The following EXOC4 variants were observed in gnomAD, a reference collection of about 807,000 sequenced individuals.
The protein encoded by EXOC4 is SEC8-like 1.
A neutral mutation model predicts 107.2 loss-of-function variants in EXOC4; 71 were observed. The observed-to-expected ratio is 0.66, with a 90% confidence interval of 0.55 to 0.81. EXOC4 has a LOEUF of 0.81. Ranked by LOEUF, EXOC4 falls within the 30% of genes least tolerant of loss-of-function variation. The pLI, the probability that EXOC4 is intolerant of heterozygous loss-of-function variation, is 0.00. For missense variants in EXOC4, 1,108 were observed against 1,189.6 expected, an observed-to-expected ratio of 0.93 and a Z score of 1.01; for synonymous variants, 456 against 441.2, an observed-to-expected ratio of 1.03 and a Z score of -0.42.
At chr7:133,278,556 G>T (rs1794052360) in intron 2 of EXOC4, among the ~76,000 whole-genome samples, 1 of 152,098 alleles carries the variant, frequency 6.6e-6, no homozygotes, top group Non-Finnish European at 1.5e-5. Flanking sequence ...AAAGGAAGCA[G>T]GTGCCCAGAT....
At chr7:133,648,011 A>C (rs1350203682) in intron 10 of EXOC4, among the ~76,000 whole-genome samples, 2 of 152,202 alleles carry the variant, frequency 1.3e-5, no homozygotes, top group African/African-American at 4.8e-5. Context: ...AAAAGATAAG[A>C]ATCTAGAAAT....
chr7:133,525,875 C>A (rs964705497), intron 9 of EXOC4, among the ~76,000 whole-genome samples: 4 of 152,122 alleles, frequency 2.6e-5, no homozygotes, highest in African/African-American at 9.7e-5. Context: ...ATAAAAGATA[C>A]GTGTTTTCCC....
intron 4 of EXOC4, among the ~76,000 whole-genome samples, chr7:133,310,878 C>T (rs188161117): frequency 7.6e-4 from 116 of 152,218 alleles, no homozygotes; most frequent in African/African-American, 2.6e-3. Context: ...TTGATGCAGT[C>T]AGTGGGGATG....
chr7:133,901,818 C>G (rs1335102535), intron 12 of EXOC4, among the ~76,000 whole-genome samples: 1 of 151,966 alleles, frequency 6.6e-6, no homozygotes, highest in African/African-American at 2.4e-5. Context: ...TGCAGCCAAC[C>G]CTTCCTCATG....
intron 7 of EXOC4, among the ~76,000 whole-genome samples, chr7:133,420,123 C>T (rs1797570105): frequency 7.9e-6 from 1 of 126,276 alleles, no homozygotes; most frequent in African/African-American, 3.0e-5. Context: ...CTCCCCCCTC[C>T]CCCCACCCCA....
intron 6 of EXOC4, among the ~76,000 whole-genome samples, chr7:133,366,803 A>G (rs1274486026): frequency 2.0e-5 from 3 of 152,232 alleles, no homozygotes; most frequent in African/African-American, 7.2e-5. Flanking sequence ...GTAATAAATC[A>G]GAAACTCATA....
At chr7:133,953,307 C>T (rs941848546) in intron 14 of EXOC4, among the ~76,000 whole-genome samples, 2 of 151,848 alleles carry the variant, frequency 1.3e-5, no homozygotes, top group African/African-American at 2.4e-5. Context: ...AAAAATTTGG[C>T]CAGGCGGTGG....
chr7:133,628,400 A>G (rs545010266), intron 9 of EXOC4, among the ~76,000 whole-genome samples: 30 of 152,308 alleles, frequency 2.0e-4, no homozygotes, highest in Non-Finnish European at 3.5e-4. Context: ...ACACCACTGA[A>G]CTATCTTCAG....
chr7:134,070,206 A>G (rs1796254300), downstream of EXOC4, among the ~76,000 whole-genome samples: 1 of 152,236 alleles, frequency 6.6e-6, no homozygotes. Context: ...CAAGGTGTCA[A>G]CCCTGTCCTA....
At chr7:133,462,280 C>G (rs1036290797) in intron 7 of EXOC4, among the ~76,000 whole-genome samples, 1 of 152,242 alleles carries the variant, frequency 6.6e-6, no homozygotes, top group East Asian at 1.9e-4. Flanking sequence ...TCCCTGTAAC[C>G]TCAACTTGAG....
intron 9 of EXOC4, among the ~76,000 whole-genome samples, chr7:133,516,229 C>T (rs1389673224): frequency 6.6e-6 from 1 of 152,090 alleles, no homozygotes; most frequent in Admixed American, 6.5e-5. Flanking sequence ...ACTGTTCACC[C>T]ATTTCATATG....
At chr7:133,380,036 C>G (rs978211166) in intron 7 of EXOC4, among the ~76,000 whole-genome samples, 2 of 149,854 alleles carry the variant, frequency 1.3e-5, no homozygotes, top group Non-Finnish European at 3.0e-5. Flanking sequence ...GGGAATTGAA[C>G]AATGAGAACA....
At chr7:133,681,155 T>C (rs1035589191) in intron 10 of EXOC4, among the ~76,000 whole-genome samples, 1 of 152,148 alleles carries the variant, frequency 6.6e-6, no homozygotes, top group African/African-American at 2.4e-5. Flanking sequence ...CCCGTCTCCT[T>C]TGATGATTGA....
At chr7:133,463,311 T>C (rs1461698971) in intron 7 of EXOC4, among the ~76,000 whole-genome samples, 1 of 152,070 alleles carries the variant, frequency 6.6e-6, no homozygotes, top group Non-Finnish European at 1.5e-5. Flanking sequence ...CTTCCTCCCT[T>C]TGAGGAGAGG....
Position 133,790,811 on chromosome 7 carries a change from TAAAC to T in EXOC4, c.1515-26512_1515-26509del, listed in dbSNP as rs1431276724. Among the ~76,000 whole-genome samples the T allele has an allele frequency of 2.6e-5, 4 of 152,206 alleles. No homozygotes were observed. In the South Asian group the frequency reaches 6.2e-4, roughly 24 times the overall value. On this transcript the variant is annotated intron_variant, in intron 10 of 17. Transcript: ENST00000253861. ...GGCTCTCTGGAACCTGCTTGTCAAA[TAAAC>T]AGAGAACATTCATTCTCAGGCATGT... is the stretch of plus-strand genomic sequence containing the variant.
At chr7:133,623,510 C>T (rs149266058) in intron 9 of EXOC4, among the ~76,000 whole-genome samples, 164 of 152,134 alleles carry the variant, frequency 1.1e-3, no homozygotes, top group African/African-American at 3.6e-3. Flanking sequence ...GCTTATTCCC[C>T]GGGAGAAACT....
intron 14 of EXOC4, among the ~76,000 whole-genome samples, chr7:133,997,016 C>A (rs1794407367): frequency 6.6e-6 from 1 of 152,154 alleles, no homozygotes; most frequent in Non-Finnish European, 1.5e-5. Context: ...CAGATGTTGG[C>A]TTGATGTAAG....
At chr7:133,348,398 A>G (rs539820889) in intron 5 of EXOC4, among the ~76,000 whole-genome samples, 6 of 152,280 alleles carry the variant, frequency 3.9e-5, no homozygotes, top group South Asian at 2.1e-4. Context: ...TGGGCTATCT[A>G]TCATATTAGT....
intron 2 of EXOC4, among the ~76,000 whole-genome samples, chr7:133,288,095 G>A (rs1489431391): frequency 6.6e-6 from 1 of 152,154 alleles, no homozygotes; most frequent in Admixed American, 6.5e-5. Context: ...AAAAATACAT[G>A]TGAGGACTAT....
Sources: gnomAD v4.1 joint callset for allele counts (sites outside exome capture counted in the v4.1 genomes callset) on GRCh38, gnomAD v4.1.1 for gene constraint, MANE v1.5 for transcripts, NCBI Gene and HGNC (gene_info 2026-07-23, HGNC 2026-07-21) for gene names.